The following C1QTNF3 variants were observed in gnomAD, a reference collection of about 807,000 sequenced individuals.
The protein encoded by C1QTNF3 is C1q and TNF related 3.
C1QTNF3 carries 26 observed loss-of-function variants against 32.6 expected under a neutral mutation model. That is an observed-to-expected ratio of 0.80 (90% CI 0.58 to 1.11). The LOEUF (loss-of-function observed/expected upper bound fraction) is 1.11, where lower values mean the gene tolerates loss of function less well. Among genes scored for constraint, C1QTNF3 ranks in the 50% least tolerant of loss-of-function variants. The probability of loss-of-function intolerance (pLI) is 0.00; values close to 1 mark genes in which losing one functional copy is unlikely to be tolerated. For missense variants in C1QTNF3, 362 were observed against 398.2 expected (o/e 0.91, Z 0.77); for synonymous variants, 155 against 146.0 (o/e 1.06, Z -0.44).
At chr5:34,173,437 A>AAAC in the C1QTNF3 span, among the ~76,000 whole-genome samples, 1 of 140,412 alleles carries the variant, frequency 7.1e-6, no homozygotes, top group Non-Finnish European at 1.5e-5. Flanking sequence ...TTACACATAA[A>AAAC]AACATTATTA....
At chr5:34,238,456 CA>C in the C1QTNF3 span, among the ~76,000 whole-genome samples, 1 of 151,830 alleles carries the variant, frequency 6.6e-6, no homozygotes, top group Non-Finnish European at 1.5e-5. Flanking sequence ...ATTTCTAGAG[CA>C]GAAAAAATTC....
At chr5:34,090,643 GTGA>G in the C1QTNF3 span, among the ~76,000 whole-genome samples, 2 of 152,228 alleles carry the variant, frequency 1.3e-5, no homozygotes, top group Non-Finnish European at 1.5e-5. Flanking sequence ...CTTATCGCCA[GTGA>G]TGATATTTGG....
upstream of C1QTNF3, among the ~76,000 whole-genome samples, chr5:34,047,706 C>T (rs1755010637): frequency 6.6e-6 from 1 of 152,128 alleles, no homozygotes; most frequent in South Asian, 2.1e-4. Context: ...AGAGATTTAT[C>T]AATATACAAA....
At chr5:34,156,809 G>T in the C1QTNF3 span, among the ~76,000 whole-genome samples, 1 of 152,144 alleles carries the variant, frequency 6.6e-6, no homozygotes, top group East Asian at 1.9e-4. Context: ...TATATACGTG[G>T]TCTTAGTCAC....
At chr5:34,052,500 G>C in the C1QTNF3 span, among the ~76,000 whole-genome samples, 4 of 152,236 alleles carry the variant, frequency 2.6e-5, no homozygotes. Flanking sequence ...TGGATGAACA[G>C]ATGGATGCAT....
At chr5:34,072,800 C>T in the C1QTNF3 span, among the ~76,000 whole-genome samples, 2 of 152,212 alleles carry the variant, frequency 1.3e-5, no homozygotes, top group South Asian at 2.1e-4. Flanking sequence ...ATCTTTATTA[C>T]GTTTCTCAAC....
chr5:34,133,649 A>G, the C1QTNF3 span, among the ~76,000 whole-genome samples: 1 of 152,348 alleles, frequency 6.6e-6, no homozygotes, highest in East Asian at 1.9e-4. Flanking sequence ...TTAGAGTTAC[A>G]CTGACGAGGT....
At chr5:34,176,312 G>C in the C1QTNF3 span, among the ~76,000 whole-genome samples, 1 of 150,582 alleles carries the variant, frequency 6.6e-6, no homozygotes. Flanking sequence ...TAGATGACGA[G>C]TTAGTGGGTG....
At chr5:34,035,466 G>A (rs1023719403) in intron 2 of C1QTNF3, among the ~76,000 whole-genome samples, 181 bp downstream of exon 2, 6 of 152,206 alleles carry the variant, frequency 3.9e-5, no homozygotes, top group South Asian at 2.1e-4. Flanking sequence ...TGACCTGGTC[G>A]TTTCGGACTC....
chr5:34,052,013 C>G, the C1QTNF3 span, among the ~76,000 whole-genome samples: 1 of 152,190 alleles, frequency 6.6e-6, no homozygotes, highest in Non-Finnish European at 1.5e-5. Flanking sequence ...TGGCAGGCGC[C>G]TGTAATCCCA....
At chr5:34,031,589 T>C (rs894313220) in intron 3 of C1QTNF3, among the ~76,000 whole-genome samples, 1 of 152,168 alleles carries the variant, frequency 6.6e-6, no homozygotes, top group African/African-American at 2.4e-5. Context: ...TCCCAGCACT[T>C]TGGGAGGCCG....
the C1QTNF3 span, among the ~76,000 whole-genome samples, chr5:34,110,468 A>G: frequency 1.3e-5 from 2 of 151,906 alleles, no homozygotes; most frequent in Admixed American, 6.6e-5. Context: ...GGCATGGTAT[A>G]CAGTTCAGAT....
chr5:34,021,937 TA>T (rs1324013436), intron 5 of C1QTNF3, among the ~76,000 whole-genome samples: 1 of 152,000 alleles, frequency 6.6e-6, no homozygotes, highest in South Asian at 2.1e-4. Flanking sequence ...AAAATCATAA[TA>T]AAAAAAGACT....
chr5:34,056,859 T>A, the C1QTNF3 span, among the ~76,000 whole-genome samples: 4 of 151,986 alleles, frequency 2.6e-5, no homozygotes, highest in South Asian at 8.3e-4. Context: ...GACATTTTCA[T>A]GAATTGGAAA....
upstream of C1QTNF3, among the ~76,000 whole-genome samples, chr5:34,044,473 T>C (rs1482642910): frequency 1.3e-5 from 2 of 151,648 alleles, no homozygotes; most frequent in Non-Finnish European, 2.9e-5. Context: ...TGATGAAGAG[T>C]CAGAGCAGCT....
the C1QTNF3 span, among the ~76,000 whole-genome samples, chr5:34,141,948 T>G: frequency 6.6e-6 from 1 of 151,698 alleles, no homozygotes; most frequent in African/African-American, 2.4e-5. Context: ...AGCTTGGGAG[T>G]GCCGAGCCAA....
At chr5:34,032,142 T>C (rs1238647495) in intron 3 of C1QTNF3, among the ~76,000 whole-genome samples, 1 of 152,242 alleles carries the variant, frequency 6.6e-6, no homozygotes, top group Non-Finnish European at 1.5e-5. Flanking sequence ...TTTTAAAAAA[T>C]GCTAGTTTTC....
the C1QTNF3 span, among the ~76,000 whole-genome samples, chr5:34,236,850 A>G: frequency 6.6e-6 from 1 of 152,018 alleles, no homozygotes; most frequent in Non-Finnish European, 1.5e-5. Context: ...TGCTGGGATT[A>G]CAGGCATGAG....
chr5:34,032,459 C>T (rs1754636514), intron 3 of C1QTNF3, among the ~76,000 whole-genome samples: 1 of 152,172 alleles, frequency 6.6e-6, no homozygotes, highest in Non-Finnish European at 1.5e-5. Context: ...TGAAATTCTC[C>T]ATTGATAAAG....
Sources: gnomAD v4.1 joint callset for allele counts (sites outside exome capture counted in the v4.1 genomes callset) on GRCh38, gnomAD v4.1.1 for gene constraint, MANE v1.5 for transcripts, NCBI Gene and HGNC (gene_info 2026-07-23, HGNC 2026-07-21) for gene names.